VKORC1L1: variants seen among roughly 807,000 people sequenced by gnomAD.
VKORC1L1 encodes the protein vitamin K epoxide reductase complex subunit 1L1.
VKORC1L1 carries 2 observed loss-of-function variants against 18.9 expected under a neutral mutation model. The observed-to-expected ratio is 0.11, with a 90% CI of 0.04 to 0.33. The LOEUF is 0.33. Ranked by LOEUF, VKORC1L1 falls within the 10% of genes least tolerant of loss-of-function variation. VKORC1L1 has a pLI of 1.00. For synonymous variants in VKORC1L1, 96 were observed against 100.0 expected (o/e 0.96, Z 0.24); for missense variants, 123 against 224.1 (o/e 0.55, Z 2.88).
chr7:65,872,924 TCCCGCACTGGCCCGCTCG>T (rs1788744976), upstream of VKORC1L1, among the ~76,000 whole-genome samples: 1 of 151,250 alleles, frequency 6.6e-6, no homozygotes, highest in Non-Finnish European at 1.5e-5. Flanking sequence ...TTTAAGTCCC[TCCCGCACTGGCCCGCTCG>T]GCCCCGCCCC....
intron 1 of VKORC1L1, among the ~76,000 whole-genome samples, chr7:65,895,510 T>TACAC (rs1391679092): frequency 1.7e-4 from 15 of 88,416 alleles, no homozygotes; most frequent in South Asian, 4.6e-4. Context: ...TATATATATA[T>TACAC]ATATATACAC....
chr7:65,909,088 A>G, intron 1 of VKORC1L1, among the ~76,000 whole-genome samples: 1 of 146,942 alleles, frequency 6.8e-6, no homozygotes, highest in South Asian at 2.3e-4. Flanking sequence ...TGGCCAACAT[A>G]GCCTTGGCCT....
At chr7:65,947,055 T>G (rs1400656913) in intron 1 of VKORC1L1, among the ~76,000 whole-genome samples, 1 of 152,056 alleles carries the variant, frequency 6.6e-6, no homozygotes, top group East Asian at 1.9e-4. Flanking sequence ...GGAGAATCAC[T>G]TGAACCTCGG....
At chr7:65,907,935 G>C (rs1789432782) in intron 1 of VKORC1L1, among the ~76,000 whole-genome samples, 1 of 151,972 alleles carries the variant, frequency 6.6e-6, no homozygotes, top group Non-Finnish European at 1.5e-5. Context: ...GCGAACACTG[G>C]ATTAAGTATG....
chr7:65,934,157 A>T (rs1029371152), intron 1 of VKORC1L1, among the ~76,000 whole-genome samples: 1 of 152,096 alleles, frequency 6.6e-6, no homozygotes, highest in Non-Finnish European at 1.5e-5. Context: ...GCACTTTGGG[A>T]GGCTGAGGTG....
At chr7:65,892,321 A>G (rs1789122141) in intron 1 of VKORC1L1, among the ~76,000 whole-genome samples, 2 of 152,214 alleles carry the variant, frequency 1.3e-5, no homozygotes, top group South Asian at 4.1e-4. Context: ...GGATTGCTGG[A>G]TCACACGGTA....
At chr7:65,900,943 G>C (rs1045961700) in intron 1 of VKORC1L1, among the ~76,000 whole-genome samples, 7 of 152,186 alleles carry the variant, frequency 4.6e-5, no homozygotes, top group Non-Finnish European at 7.3e-5. Context: ...CTGCAAAAGA[G>C]GTTATGAATG....
At chr7:65,881,685 C>CT (rs1788930307) in intron 1 of VKORC1L1, among the ~76,000 whole-genome samples, 1 of 152,176 alleles carries the variant, frequency 6.6e-6, no homozygotes, top group Non-Finnish European at 1.5e-5. Context: ...ACTGGTGAAA[C>CT]CTGAATAAAC....
chr7:65,937,225 CT>C (rs1446045850), intron 1 of VKORC1L1, among the ~76,000 whole-genome samples: 1 of 100,696 alleles, frequency 9.9e-6, no homozygotes, highest in Non-Finnish European at 2.0e-5. Flanking sequence ...CAGTGTACTA[CT>C]TGATCTTCCA....
intron 1 of VKORC1L1, among the ~76,000 whole-genome samples, chr7:65,908,756 G>A (rs954647015): frequency 2.1e-5 from 3 of 144,474 alleles, no homozygotes; most frequent in Admixed American, 7.1e-5. Flanking sequence ...AGAATTGCTC[G>A]AACCTCAGAA....
chr7:65,923,406 GAA>G (rs35172049), intron 1 of VKORC1L1, among the ~76,000 whole-genome samples: 1 of 140,906 alleles, frequency 7.1e-6, no homozygotes, highest in Non-Finnish European at 1.6e-5. Flanking sequence ...GTCTCAAAAA[GAA>G]AAAAAAAAAG....
intron 1 of VKORC1L1, among the ~76,000 whole-genome samples, chr7:65,887,864 A>G (rs1200295780): frequency 1.3e-5 from 2 of 152,150 alleles, no homozygotes; most frequent in Non-Finnish European, 2.9e-5. Context: ...TTGCTTCGCA[A>G]TATGTATCAC....
upstream of VKORC1L1, among the ~76,000 whole-genome samples, chr7:65,873,001 G>T (rs1229804074): frequency 8.6e-5 from 2 of 23,126 alleles, no homozygotes; most frequent in Non-Finnish European, 2.1e-4. Context: ...CCCCACCCCT[G>T]CCCCACCCCT....
chr7:65,954,366 T>TTTATTATTA lies in VKORC1L1; in HGVS notation c.*84_*92dup, dbSNP rs35431841. ...CATTCAGTTTATTTTGCAGCAGGTTTTTATTATTATTATTATTATTATTAT... is the reference window on the plus strand; with the variant it reads ...CATTCAGTTTATTTTGCAGCAGGTTTTTATTATTATTATTATTATTATTATTATTATTAT... On this transcript the variant is annotated 3_prime_UTR_variant, in exon 3 of 3. Transcript: ENST00000360768. 1.4e-5 allele frequency: 21 copies of TTTATTATTA among 1,477,526 alleles called. No homozygotes were observed. The highest frequency in any genetic ancestry group is 1.0e-4 in the East Asian group (4 of 38,586). The allele number at this position is 1,477,526 out of a possible 1,614,324, so 91.5% of individuals were successfully genotyped here. A position where few individuals can be genotyped will look rare whatever the true frequency, so the allele number is the denominator to read the frequency against.
chr7:65,880,498 G>A (rs1433024163), intron 1 of VKORC1L1, among the ~76,000 whole-genome samples: 5 of 152,038 alleles, frequency 3.3e-5, no homozygotes, highest in African/African-American at 1.2e-4. Context: ...AGGGGTTCTG[G>A]GCACATGGAG....
At chr7:65,929,242 C>T (rs528323159) in intron 1 of VKORC1L1, among the ~76,000 whole-genome samples, 123 of 152,168 alleles carry the variant, frequency 8.1e-4, no homozygotes, top group South Asian at 1.5e-3. Context: ...AACCTCATCT[C>T]TACTAGAAAT....
intron 1 of VKORC1L1, among the ~76,000 whole-genome samples, chr7:65,917,457 T>A (rs1441183329): frequency 1.3e-5 from 2 of 152,218 alleles, no homozygotes; most frequent in Non-Finnish European, 2.9e-5. Flanking sequence ...ACTCCAGGCA[T>A]TGGAAGTAAC....
chr7:65,876,254 A>G (rs1788825338), intron 1 of VKORC1L1, among the ~76,000 whole-genome samples: 1 of 152,188 alleles, frequency 6.6e-6, no homozygotes, highest in Non-Finnish European at 1.5e-5. Flanking sequence ...TCTCAGAATA[A>G]AATATTTTTA....
At chr7:65,898,077 G>GT (rs71051319) in intron 1 of VKORC1L1, among the ~76,000 whole-genome samples, 16,289 of 82,402 alleles carry the variant, frequency 0.2, 5,130 homozygotes, top group East Asian at 0.27. Context: ...TTTGTAGCAG[G>GT]TTTTTTTTTT....
Sources: allele counts gnomAD v4.1 joint callset (sites outside exome capture counted in the v4.1 genomes callset), GRCh38; gene constraint gnomAD v4.1.1; transcripts MANE v1.5; gene names NCBI Gene and HGNC (gene_info 2026-07-23, HGNC 2026-07-21).